Variants in AKR1C8 observed in about 807,000 individuals in gnomAD.
AKR1C8 encodes aldo-keto reductase family 1 member C8.
the AKR1C8 span, among the ~76,000 whole-genome samples, chr10:5,175,713 T>G: frequency 8.4e-4 from 128 of 152,246 alleles, 1 homozygote; most frequent in Admixed American, 8.2e-3. Context: ...GATTTGCATT[T>G]CTCTGATGGC....
At chr10:5,160,206 G>A in the AKR1C8 span, among the ~76,000 whole-genome samples, 3 of 151,986 alleles carry the variant, frequency 2.0e-5, no homozygotes, top group Non-Finnish European at 2.9e-5. Flanking sequence ...TCTATTACAA[G>A]CATACTCATA....
the AKR1C8 span, among the ~76,000 whole-genome samples, chr10:5,174,767 G>A: frequency 2.0e-5 from 3 of 151,554 alleles, no homozygotes; most frequent in African/African-American, 4.8e-5. Flanking sequence ...AAAAAATTAT[G>A]AAAAGACATA....
the AKR1C8 span, among the ~76,000 whole-genome samples, chr10:5,145,894 T>C: frequency 1.3e-5 from 2 of 152,174 alleles, no homozygotes; most frequent in African/African-American, 2.4e-5. Context: ...AAGACACATG[T>C]GCACATATGT....
At chr10:5,164,332 G>A in the AKR1C8 span, among the ~76,000 whole-genome samples, 1 of 151,794 alleles carries the variant, frequency 6.6e-6, no homozygotes, top group African/African-American at 2.4e-5. Context: ...CTCTACTATA[G>A]AGAGCTTTCT....
the AKR1C8 span, among the ~76,000 whole-genome samples, chr10:5,175,799 A>ATC: frequency 2.0e-5 from 3 of 150,348 alleles, no homozygotes; most frequent in Non-Finnish European, 4.5e-5. Flanking sequence ...CTGTTCATGA[A>ATC]CTTCGCCCAC....
chr10:5,147,106 G>A, the AKR1C8 span, among the ~76,000 whole-genome samples: 5 of 152,310 alleles, frequency 3.3e-5, no homozygotes, highest in South Asian at 2.1e-4. Context: ...AAAAGGAGAC[G>A]TGGAGTTAGC....
chr10:5,132,254 C>A, the AKR1C8 span, among the ~76,000 whole-genome samples: 2 of 152,020 alleles, frequency 1.3e-5, no homozygotes, highest in Non-Finnish European at 2.9e-5. Context: ...CTGATGGGCT[C>A]GCTTAAATCT....
the AKR1C8 span, among the ~76,000 whole-genome samples, chr10:5,121,265 T>G: frequency 6.6e-6 from 1 of 152,112 alleles, no homozygotes; most frequent in Non-Finnish European, 1.5e-5. Flanking sequence ...AAACCAAAGT[T>G]AAGGGATGTT....
chr10:5,184,954 T>G, the AKR1C8 span: 6 of 526,166 alleles, frequency 1.1e-5, no homozygotes, highest in Admixed American at 2.0e-5. Context: ...TCTTGCCTGA[T>G]GACTGCCCTG....
At chr10:5,166,646 G>A in the AKR1C8 span, among the ~76,000 whole-genome samples, 4 of 152,012 alleles carry the variant, frequency 2.6e-5, no homozygotes, top group African/African-American at 7.2e-5. Flanking sequence ...TTTAAGATGG[G>A]TTAAAGACTT....
the AKR1C8 span, among the ~76,000 whole-genome samples, chr10:5,173,303 A>G: frequency 1.3e-5 from 2 of 152,060 alleles, no homozygotes; most frequent in African/African-American, 2.4e-5. Flanking sequence ...CAAATCAGAC[A>G]TGGAGAAAGG....
At chr10:5,139,568 T>C in the AKR1C8 span, among the ~76,000 whole-genome samples, 1 of 152,178 alleles carries the variant, frequency 6.6e-6, no homozygotes, top group South Asian at 2.1e-4. Flanking sequence ...CCCTATTTAA[T>C]AAATGGTGCT....
chr10:5,141,993 C>T, the AKR1C8 span, among the ~76,000 whole-genome samples: 1 of 152,098 alleles, frequency 6.6e-6, no homozygotes, highest in Non-Finnish European at 1.5e-5. Context: ...GTACAAGGCC[C>T]TTTCATCTAC....
the AKR1C8 span, among the ~76,000 whole-genome samples, chr10:5,129,884 T>TAG: frequency 7.9e-5 from 12 of 151,740 alleles, no homozygotes; most frequent in East Asian, 2.3e-3. Context: ...TTCAAAAAGA[T>TAG]AGAGAGAGAC....
At chr10:5,163,506 C>T in the AKR1C8 span, among the ~76,000 whole-genome samples, 4 of 152,282 alleles carry the variant, frequency 2.6e-5, no homozygotes, top group Non-Finnish European at 5.9e-5. Flanking sequence ...AAATTCCCTT[C>T]AGTAAACTGA....
chr10:5,145,448 C>A, the AKR1C8 span, among the ~76,000 whole-genome samples: 1 of 152,088 alleles, frequency 6.6e-6, no homozygotes, highest in Non-Finnish European at 1.5e-5. Flanking sequence ...ACCTACTCAT[C>A]TGATAAAGGG....
chr10:5,156,012 T>G, the AKR1C8 span, among the ~76,000 whole-genome samples: 1 of 152,152 alleles, frequency 6.6e-6, no homozygotes, highest in Admixed American at 6.5e-5. Context: ...CTCATCAATC[T>G]AAAATATTTA....
the AKR1C8 span, among the ~76,000 whole-genome samples, chr10:5,128,595 A>T: frequency 4.6e-5 from 7 of 152,118 alleles, no homozygotes; most frequent in Admixed American, 1.3e-4. Context: ...GGGAAAAGAG[A>T]TTCCATGCAA....
chr10:5,117,877 A>G, the AKR1C8 span, among the ~76,000 whole-genome samples: 1 of 152,180 alleles, frequency 6.6e-6, no homozygotes, highest in Non-Finnish European at 1.5e-5. Context: ...CATTCATGAG[A>G]GATCTGCCCC....
Sources: gnomAD v4.1 joint callset for allele counts (sites outside exome capture counted in the v4.1 genomes callset) on GRCh38, gnomAD v4.1.1 for gene constraint, MANE v1.5 for transcripts, NCBI Gene and HGNC (gene_info 2026-07-23, HGNC 2026-07-21) for gene names.